CADM2: variants seen among roughly 807,000 people sequenced by gnomAD.
CADM2 encodes cell adhesion molecule 2.
Under a neutral mutation model 49.8 loss-of-function variants are expected in CADM2, and 12 were observed. That is an observed-to-expected ratio of 0.24 (90% CI 0.15 to 0.39). The LOEUF is 0.39. Among genes scored for constraint, CADM2 ranks in the 10% least tolerant of loss-of-function variants. CADM2 has a pLI of 1.00. For missense variants in CADM2, 378 were observed against 492.3 expected, an observed-to-expected ratio of 0.77 and a Z score of 2.20; for synonymous variants, 214 against 175.4, an observed-to-expected ratio of 1.22 and a Z score of -1.74.
intron 3 of CADM2, among the ~76,000 whole-genome samples, chr3:85,852,194 T>G (rs912474362): frequency 4.6e-5 from 7 of 152,236 alleles, no homozygotes; most frequent in African/African-American, 1.4e-4. Flanking sequence ...ACCATCTATA[T>G]GCTACTTGGC....
At chr3:85,723,120 A>G (rs1404223767) in intron 1 of CADM2, among the ~76,000 whole-genome samples, 1 of 152,152 alleles carries the variant, frequency 6.6e-6, no homozygotes, top group African/African-American at 2.4e-5. Context: ...GTTTTCACAA[A>G]CTTATGTAAA....
intron 8 of CADM2, among the ~76,000 whole-genome samples, chr3:85,984,347 C>A (rs770314418): frequency 6.6e-6 from 1 of 150,934 alleles, no homozygotes; most frequent in South Asian, 2.1e-4. Flanking sequence ...AATTTAATAA[C>A]GTTCTCATTT....
At chr3:85,797,717 CAT>C (rs1338383635) in intron 2 of CADM2, among the ~76,000 whole-genome samples, 1 of 152,174 alleles carries the variant, frequency 6.6e-6, no homozygotes, top group East Asian at 1.9e-4. Context: ...CTGCAATAAA[CAT>C]GTGTGTGCAT....
chr3:85,572,704 G>T (rs559799739), intron 1 of CADM2, among the ~76,000 whole-genome samples: 1 of 152,166 alleles, frequency 6.6e-6, no homozygotes, highest in Non-Finnish European at 1.5e-5. Flanking sequence ...GGAGTCCAAA[G>T]GCCAGCAGGA....
rs539515578 is a variant in CADM2, at chr3:85,014,112, C to T, written c.61+54444C>T. ...AGTGTAAAATTGTATATTATATATA[C>T]GCAGTGTAATATTGTATATTATATA... On this transcript the variant is annotated intron_variant, in intron 1 of 9. Coordinates refer to ENST00000383699, the MANE Select transcript of CADM2 (RefSeq NM_001167675.2). Among the ~76,000 whole-genome samples the T allele has an allele frequency of 1.9e-3, 269 of 139,426 alleles. 1 individual carries two copies. The highest frequency in any genetic ancestry group is 6.2e-3 in the African/African-American group (233 of 37,344). The allele number at this position is 139,426 out of a possible 152,430, so 91.5% of individuals were successfully genotyped here.
chr3:85,027,340 T>A (rs1215638118), intron 1 of CADM2, among the ~76,000 whole-genome samples: 1 of 151,824 alleles, frequency 6.6e-6, no homozygotes, highest in Non-Finnish European at 1.5e-5. Context: ...GGTCTCAATC[T>A]CCGGACTTCG....
At chr3:85,335,094 A>G (rs1394351286) in intron 1 of CADM2, among the ~76,000 whole-genome samples, 2 of 151,494 alleles carry the variant, frequency 1.3e-5, no homozygotes, top group Non-Finnish European at 3.0e-5. Context: ...TGCTACAAAC[A>G]TGTTCGGTCT....
intron 1 of CADM2, among the ~76,000 whole-genome samples, chr3:84,991,713 G>C (rs1430019321): frequency 6.6e-6 from 1 of 152,182 alleles, no homozygotes; most frequent in African/African-American, 2.4e-5. Flanking sequence ...GTTTATAGCA[G>C]TTTTACTCAT....
intron 1 of CADM2, among the ~76,000 whole-genome samples, chr3:85,200,021 T>C (rs2041452446): frequency 6.6e-6 from 1 of 152,058 alleles, no homozygotes; most frequent in Non-Finnish European, 1.5e-5. Flanking sequence ...TAGTCGATGT[T>C]ACATTTACGA....
chr3:85,981,540 A>G (rs935502037), intron 8 of CADM2, among the ~76,000 whole-genome samples: 11 of 151,476 alleles, frequency 7.3e-5, no homozygotes, highest in Admixed American at 6.0e-4. Flanking sequence ...CCCAGTATCT[A>G]TTGTTCCCAT....
intron 1 of CADM2, among the ~76,000 whole-genome samples, chr3:85,240,239 G>T (rs1428840845): frequency 6.6e-6 from 1 of 151,106 alleles, no homozygotes; most frequent in Non-Finnish European, 1.5e-5. Flanking sequence ...TTTTTTTCTA[G>T]GTTTACATTT....
chr3:85,546,242 C>T (rs2061668343), intron 1 of CADM2, among the ~76,000 whole-genome samples: 1 of 152,188 alleles, frequency 6.6e-6, no homozygotes, highest in African/African-American at 2.4e-5. Context: ...GTTTGTCAAT[C>T]TTGAGACCTC....
intron 8 of CADM2, among the ~76,000 whole-genome samples, chr3:85,988,633 T>A (rs1728405301): frequency 6.6e-6 from 1 of 152,002 alleles, no homozygotes; most frequent in African/African-American, 2.4e-5. Context: ...AAAGAAAGGG[T>A]CAATAAAGTT....
chr3:85,543,430 GTGTGT>G (rs1418402192), intron 1 of CADM2, among the ~76,000 whole-genome samples: 3 of 149,940 alleles, frequency 2.0e-5, no homozygotes, highest in African/African-American at 7.3e-5. Flanking sequence ...ATGTGTGTGT[GTGTGT>G]GTGTGTGTGT....
rs574744037 is a variant in CADM2 at position 85,602,864 on chromosome 3, A to G, written c.62-123658A>G. On this transcript the variant is annotated intron_variant, in intron 1 of 9. Coordinates refer to ENST00000383699, the MANE Select transcript of CADM2 (RefSeq NM_001167675.2). ...TGCTCTCTCTTACATTTCAAAATTC[A>G]TTGTTTTCAAGGAATTGTTTTCGTT... Among the ~76,000 whole-genome samples the G allele has an allele frequency of 1.6e-4, 24 of 151,832 alleles. No individual in the cohort carries two copies. The East Asian group carries it at 4.5e-3, about 28-fold the overall frequency.
chr3:86,039,470 G>A (rs369099902), intron 8 of CADM2, among the ~76,000 whole-genome samples: 3 of 152,258 alleles, frequency 2.0e-5, no homozygotes, highest in South Asian at 2.1e-4. Context: ...CCACGCCCAC[G>A]GAGCCTCACT....
rs996133095 is a variant in CADM2 at position 85,221,858 on chromosome 3, A to T, written c.61+262190A>T. ...TTGGGTAACATGGTGAGTTGGACTA[A>T]TTGAGCTCTAGATACCGTTTGAAAT... On this transcript the variant is annotated intron_variant, in intron 1 of 9. Coordinates refer to ENST00000383699, the MANE Select transcript of CADM2 (RefSeq NM_001167675.2). 5.3e-5 allele frequency among the ~76,000 whole-genome samples: 8 copies of T among 152,250 alleles called. No individual in the cohort carries two copies. In the South Asian group the frequency reaches 1.0e-3, roughly 20 times the overall value.
intron 1 of CADM2, among the ~76,000 whole-genome samples, chr3:85,520,175 C>CA (rs2060999133): frequency 6.6e-6 from 1 of 151,802 alleles, no homozygotes; most frequent in Admixed American, 6.6e-5. Context: ...GTTTAGAACT[C>CA]AAAGTGAACA....
chr3:85,831,521 A>G (rs951847327), intron 3 of CADM2, among the ~76,000 whole-genome samples: 2 of 152,018 alleles, frequency 1.3e-5, no homozygotes, highest in Non-Finnish European at 2.9e-5. Flanking sequence ...AATACTAACC[A>G]TTCTGAATGG....
Sources: gnomAD v4.1 joint callset for allele counts (sites outside exome capture counted in the v4.1 genomes callset) on GRCh38, gnomAD v4.1.1 for gene constraint, MANE v1.5 for transcripts, NCBI Gene and HGNC (gene_info 2026-07-23, HGNC 2026-07-21) for gene names.